XPNPEP2: variants seen among roughly 807,000 people sequenced by gnomAD.
The protein encoded by XPNPEP2 is X-prolyl aminopeptidase 2, also known as xaa-Pro aminopeptidase 2.
A neutral mutation model predicts 59.8 loss-of-function variants in XPNPEP2; 64 were observed. That is an observed-to-expected ratio of 1.07 (90% CI 0.87 to 1.32). XPNPEP2 has a LOEUF of 1.32. XPNPEP2 is among the 40% of genes most tolerant of loss of function. The pLI, the probability that XPNPEP2 is intolerant of heterozygous loss-of-function variation, is 0.00. For missense variants in XPNPEP2, 575 were observed against 546.8 expected, an observed-to-expected ratio of 1.05 and a Z score of -0.51; for synonymous variants, 235 against 210.0, an observed-to-expected ratio of 1.12 and a Z score of -1.03.
chrX:129,768,270 C>T (rs753800239), intron 20 of XPNPEP2, 21 bp from the exon 21 acceptor site: 1 of 1,137,396 alleles, frequency 8.8e-7, no homozygotes, highest in African/African-American at 1.8e-5. Context: ...GAGAGGCTGT[C>T]ACCCCTTCTA....
intron 20 of XPNPEP2, among the ~76,000 whole-genome samples, 185 bp from the exon 21 acceptor site, chrX:129,768,102 ACAGC>A (rs1367993927): frequency 9.0e-6 from 1 of 111,129 alleles, no homozygotes; most frequent in African/African-American, 3.3e-5. Context: ...ATGACATGAA[ACAGC>A]CAGCCAGGGG....
In XPNPEP2 at chrX:129,752,221, T is replaced by G. The variant is rs200133685; in HGVS notation, c.893T>G (p.Met298Arg). ...SYLNSSCTGPMCVQIEDYSQV... is the reference protein window; with the variant it reads ...SYLNSSCTGPRCVQIEDYSQV... Reference sequence around the variant, plus strand: ...CTGAACTCCAGTTGCACAGGCCCCATGTGTGTGCAAATCGAGGATTACAGC... The same window carrying G: ...CTGAACTCCAGTTGCACAGGCCCCAGGTGTGTGCAAATCGAGGATTACAGC... Residue 298 changes from methionine (M) to arginine (R), a missense_variant, in exon 10 of 21, where the codon ATG becomes AGG. By Grantham distance (91) the Met-to-Arg change is moderately conservative. Transcript: ENST00000371106. The G allele has an allele frequency of 4.2e-6, 5 of 1,188,955 alleles. No homozygotes were observed. Among genetic ancestry groups the G allele is most frequent in the African/African-American group, 1.8e-5 (1 of 56,619 alleles).
intron 2 of XPNPEP2, among the ~76,000 whole-genome samples, 188 bp from the exon 3 acceptor site, chrX:129,743,773 T>G (rs1286757706): frequency 8.9e-6 from 1 of 111,758 alleles, no homozygotes; most frequent in Non-Finnish European, 1.9e-5. Flanking sequence ...GGCATCTTAA[T>G]CTAGACTAAG....
In XPNPEP2 at chrX:129,769,020, A is replaced by T. The variant is rs887417904; in HGVS notation, c.*535A>T. The T allele has an allele frequency of 2.7e-5, 3 of 112,453 alleles. No individual in the cohort carries two copies. Among genetic ancestry groups the T allele is most frequent in the Non-Finnish European group, 5.6e-5 (3 of 53,354 alleles). 9.3% of individuals were successfully genotyped at this position (112,453 alleles called of 1,213,427 possible). On this transcript the variant is annotated 3_prime_UTR_variant, in exon 21 of 21. Transcript: ENST00000371106. ...CTGGGTAGGCTCCATGCCAAGTAAC[A>T]GCAGAGGGAGTTAAGCCATAGGAAT...
At chrX:129,764,991 A>C (rs147110719) in intron 19 of XPNPEP2, among the ~76,000 whole-genome samples, 5 of 111,793 alleles carry the variant, frequency 4.5e-5, no homozygotes, top group African/African-American at 1.6e-4. Context: ...AAAGAAAGAA[A>C]AGAGAAGGGA....
chrX:129,754,219 C>T (rs758510123), intron 11 of XPNPEP2, among the ~76,000 whole-genome samples: 2 of 112,202 alleles, frequency 1.8e-5, no homozygotes, highest in Admixed American at 1.9e-4. Flanking sequence ...ACAACCACCC[C>T]CTCTGCTGCT....
intron 9 of XPNPEP2, 144 bp downstream of exon 9, chrX:129,751,970 C>A (rs1926428442): frequency 6.2e-6 from 5 of 808,201 alleles, no homozygotes; most frequent in Non-Finnish European, 9.0e-6. Flanking sequence ...TTAGAAAACC[C>A]CCTGTTGTCT....
At chrX:129,754,799 A>G (rs1926488195) in intron 12 of XPNPEP2, among the ~76,000 whole-genome samples, 1 of 111,233 alleles carries the variant, frequency 9.0e-6, no homozygotes, top group African/African-American at 3.3e-5. Flanking sequence ...CGCTGAAAGC[A>G]GGACAACTCG....
intron 15 of XPNPEP2, 96 bp from the exon 16 acceptor site, chrX:129,760,416 C>T: frequency 1.1e-6 from 1 of 925,128 alleles, no homozygotes. Context: ...CACACCCAGG[C>T]CTGGGCCCTG....
At chrX:129,739,287 G>A (rs1398051187) in intron 1 of XPNPEP2, 25 bp downstream of exon 1, 2 of 1,204,075 alleles carry the variant, frequency 1.7e-6, no homozygotes, top group South Asian at 3.5e-5. Context: ...GCTTCCACTG[G>A]AAGGCAGCTC....
intron 6 of XPNPEP2, among the ~76,000 whole-genome samples, chrX:129,747,098 T>TA (rs761056053): frequency 4.5e-4 from 48 of 105,523 alleles, no homozygotes; most frequent in Non-Finnish European, 7.3e-4. Flanking sequence ...CTTCTGAGTT[T>TA]AAAAAAAAAA....
chrX:129,767,537 C>T, intron 19 of XPNPEP2, 66 bp from the exon 20 acceptor site: 5 of 1,093,036 alleles, frequency 4.6e-6, no homozygotes, highest in Non-Finnish European at 1.3e-6. Flanking sequence ...TCCTTCCTTC[C>T]CTTCAGCCCA....
At chrX:129,753,638 A>AAAAG (rs781054880) in intron 11 of XPNPEP2, among the ~76,000 whole-genome samples, 8 of 111,501 alleles carry the variant, frequency 7.2e-5, no homozygotes, top group African/African-American at 9.8e-5. Context: ...AGGTCAAAAA[A>AAAAG]AAAGAAAGAA....
rs999392905 is a variant in XPNPEP2 at position 129,766,866 on chromosome X, G to A, written c.1741-737G>A. 1.4e-4 allele frequency among the ~76,000 whole-genome samples: 16 copies of A among 111,423 alleles called. 1 individual carries two copies. The highest frequency in any genetic ancestry group is 5.2e-4 in the African/African-American group (16 of 30,600). On this transcript the variant is annotated intron_variant, in intron 19 of 20. Coordinates refer to ENST00000371106, the MANE Select transcript of XPNPEP2 (RefSeq NM_003399.6). ...AAGGCGAAGGGGAAGCAAGGATCTCGACATGGTGGCAGGAAAGAGAGAGCT... is the reference window on the plus strand; with the variant it reads ...AAGGCGAAGGGGAAGCAAGGATCTCAACATGGTGGCAGGAAAGAGAGAGCT...
rs768216491 is a variant in XPNPEP2 at position 129,742,119 on chromosome X, G to T, written c.61G>T (p.Gly21Cys). ...CTCCCGGCTTCTAGCTTGTGCCTGG[G>T]GCCACACAAAGCCAGTGGACCTTGG... The part of the protein sequence containing the change: ...WLVLLCACAW[G>C]HTKPVDLGGQ... Residue 21 changes from glycine (G) to cysteine (C), a missense_variant, in exon 2 of 21, where the codon GGC (glycine) becomes TGC (cysteine). Coordinates refer to ENST00000371106, the MANE Select transcript of XPNPEP2 (RefSeq NM_003399.6). The T allele has an allele frequency of 1.7e-6, 2 of 1,210,045 alleles. No individual in the cohort carries two copies. Among genetic ancestry groups the T allele is most frequent in the South Asian group, 3.5e-5 (2 of 56,822 alleles).
At position 129,744,121 on chromosome X, in the gene XPNPEP2, AG is replaced by A. The variant is rs1318449875; in HGVS notation, c.234+51del. The A allele has an allele frequency of 2.8e-6, 3 of 1,082,990 alleles. No homozygotes were observed. The South Asian group carries it at 5.6e-5, about 20-fold the overall frequency. The allele number at this position is 1,082,990 out of a possible 1,213,427, so 89.3% of individuals were successfully genotyped here. ...TGCCCTCTCTGCTACCCTGGGTCAG[AG>A]ACCACAAACAGGAGCTGTTAAAACT... On this transcript the variant is annotated intron_variant, in intron 3 of 20. Coordinates refer to ENST00000371106, the MANE Select transcript of XPNPEP2 (RefSeq NM_003399.6).
At chrX:129,756,630 C>T (rs1926523366) in intron 14 of XPNPEP2, 75 bp downstream of exon 14, 1 of 1,021,916 alleles carries the variant, frequency 9.8e-7, no homozygotes, top group African/African-American at 1.9e-5. Flanking sequence ...TCAGCCAAAG[C>T]TTTCCCTTCC....
At position 129,742,227 on chromosome X, in the gene XPNPEP2, A is replaced by AC. The variant is rs763372520; in HGVS notation, c.123+53dup. On this transcript the variant is annotated intron_variant, in intron 2 of 20. Coordinates refer to ENST00000371106, the MANE Select transcript of XPNPEP2 (RefSeq NM_003399.6). ...GCGCACGGCCCCCCTGGCCCCACGC[A>AC]CCCCCCCACCCCTGCCCCACGCACC... 7.4e-4 allele frequency: 410 copies of AC among 552,171 alleles called. 1 individual carries two copies. The East Asian group carries it at 9.4e-3, about 13-fold the overall frequency. The allele number at this position is 552,171 out of a possible 1,213,427, so 45.5% of individuals were successfully genotyped here. A position where few individuals can be genotyped will look rare whatever the true frequency, so the allele number is the denominator to read the frequency against.
At position 129,752,238 on chromosome X, in the gene XPNPEP2, G is replaced by T; in HGVS notation, c.910G>T (p.Asp304Tyr). The change falls in exon 10 of 21, where the codon GAT (aspartate) becomes TAT (tyrosine). Residue 304 changes from aspartate (D) to tyrosine (Y), a missense_variant. Physicochemically the swap from Asp to Tyr is radical, Grantham distance 160. Coordinates refer to ENST00000371106, the MANE Select transcript of XPNPEP2 (RefSeq NM_003399.6). The part of the protein sequence containing the change: ...CTGPMCVQIE[D>Y]YSQVRDSIQA... ...AGGCCCCATGTGTGTGCAAATCGAG[G>T]ATTACAGCCAAGTTCGTGACAGCAT... 5 of 1,212,018 alleles carry T rather than the reference G, an allele frequency of 4.1e-6. No individual in the cohort carries two copies. Among genetic ancestry groups the T allele is most frequent in the Non-Finnish European group, 5.6e-6 (5 of 895,613 alleles).
Sources: allele counts gnomAD v4.1 joint callset (sites outside exome capture counted in the v4.1 genomes callset), GRCh38; gene constraint gnomAD v4.1.1; transcripts MANE v1.5; gene names NCBI Gene and HGNC (gene_info 2026-07-23, HGNC 2026-07-21).